The following RBM33 variants were observed in gnomAD, a reference collection of about 807,000 sequenced individuals.
RBM33 encodes RNA binding motif protein 33, also known as RNA-binding protein 33.
A neutral mutation model predicts 132.6 loss-of-function variants in RBM33; 28 were observed. That is an observed-to-expected ratio of 0.21 (90% CI 0.16 to 0.29). RBM33 has a LOEUF of 0.29. RBM33 is among the 10% of genes least tolerant of loss of function. The pLI is 1.00. For synonymous variants in RBM33, 634 were observed against 593.0 expected (o/e 1.07, Z -1.01); for missense variants, 1,291 against 1,518.5 (o/e 0.85, Z 2.49).
Position 155,763,237 on chromosome 7 carries a change from G to A in RBM33, c.2980-575G>A, listed in dbSNP as rs117424108. On this transcript the variant is annotated intron_variant, in intron 14 of 17. Transcript: ENST00000401878. ...GGGAAGTTTCTAGCCAGTATTTTGT[G>A]ATGCTCTTCGGCGCTTCAGAGCACT... 9.3e-3 allele frequency among the ~76,000 whole-genome samples: 1,416 copies of A among 152,354 alleles called. 35 individuals are homozygous for A. The highest frequency in any genetic ancestry group is 0.067 in the East Asian group (346 of 5,184).
Position 155,738,251 on chromosome 7 carries a change from C to A in RBM33, c.1585C>A (p.Arg529=), listed in dbSNP as rs202067064. 2 of 1,614,004 alleles carry A rather than the reference C, an allele frequency of 1.2e-6. No homozygotes were observed. The highest frequency in any genetic ancestry group is 1.7e-5 in the Admixed American group (1 of 60,014). Residue 529 remains arginine, a synonymous_variant, in exon 11 of 18, where the codon CGA becomes AGA. Transcript: ENST00000401878. ...AGTGTTCCCAAGAGAGCGGCCCGTA[C>A]GACCAGCCTTGCAGCCTCCAGGTCC... ...QPVFPRERPV[R]PALQPPGPVG...
Position 155,706,880 on chromosome 7 carries a change from G to T in RBM33, c.760G>T (p.Ala254Ser). ...CATAGAGCTTTCAGCAGAGGCCAAGGCAGCATTGCTTGAATTTGAAGAAAG... is the reference window on the plus strand; with the variant it reads ...CATAGAGCTTTCAGCAGAGGCCAAGTCAGCATTGCTTGAATTTGAAGAAAG... Reference protein sequence around the residue: ...ETLELSAEAKAALLEFEERER... With the variant: ...ETLELSAEAKSALLEFEERER... Residue 254 changes from alanine to serine, a missense_variant, in exon 7 of 18, where the codon GCA becomes TCA. Ala to Ser is a moderately conservative substitution (Grantham distance 99, BLOSUM62 1). Around this residue, in one of 7 missense-constraint regions of RBM33, gnomAD observed 34 missense variants for 46.5 expected, o/e 0.73. Coordinates refer to ENST00000401878, the MANE Select transcript of RBM33 (RefSeq NM_053043.3). 1 of 1,604,506 alleles carries T rather than the reference G, an allele frequency of 6.2e-7. No homozygotes were observed. The highest frequency in any genetic ancestry group is 8.5e-7 in the Non-Finnish European group (1 of 1,175,818).
Position 155,775,237 on chromosome 7 carries a change from T to G in RBM33, c.*196T>G. 1 of 692,504 alleles carries G rather than the reference T, an allele frequency of 1.4e-6. No homozygotes were observed. The highest frequency in any genetic ancestry group is 2.7e-6 in the Non-Finnish European group (1 of 375,426). The allele number at this position is 692,504 out of a possible 1,614,324, so 42.9% of individuals were successfully genotyped here. On this transcript the variant is annotated 3_prime_UTR_variant, in exon 18 of 18. Coordinates refer to ENST00000401878, the MANE Select transcript of RBM33 (RefSeq NM_053043.3). ...ACTGACAGGACACAGCAGGCTGGAGTTGGTGTTAGATTGCTTCACATTCTC... is the reference window on the plus strand; with the variant it reads ...ACTGACAGGACACAGCAGGCTGGAGGTGGTGTTAGATTGCTTCACATTCTC...
chr7:155,661,621 T>G (rs1798653276), intron 1 of RBM33, among the ~76,000 whole-genome samples: 1 of 151,950 alleles, frequency 6.6e-6, no homozygotes, highest in Non-Finnish European at 1.5e-5. Flanking sequence ...TTGGCCAGGC[T>G]GGTCTCGAAC....
chr7:155,739,150 A>C (rs537625748), intron 11 of RBM33: 2 of 152,272 alleles, frequency 1.3e-5, no homozygotes, highest in African/African-American at 4.8e-5. Flanking sequence ...AAATGCAATT[A>C]ATACATCCCC....
intron 13 of RBM33, 114 bp downstream of exon 13, chr7:155,742,220 C>A: frequency 1.1e-5 from 11 of 994,158 alleles, no homozygotes; most frequent in East Asian, 2.7e-5. Context: ...CCACTTTTTT[C>A]ACCTGGGTCT....
chr7:155,677,250 G>A (rs899749421), intron 3 of RBM33, among the ~76,000 whole-genome samples: 21 of 141,826 alleles, frequency 1.5e-4, no homozygotes, highest in African/African-American at 5.5e-4. Context: ...ATGGAGTTTC[G>A]TTCTTGTTTC....
chr7:155,748,390 A>G (rs1479417542), intron 14 of RBM33, among the ~76,000 whole-genome samples: 1 of 152,228 alleles, frequency 6.6e-6, no homozygotes, highest in African/African-American at 2.4e-5. Context: ...GCATAGTGCC[A>G]TTCAAGAACT....
intron 16 of RBM33, among the ~76,000 whole-genome samples, chr7:155,772,906 A>G (rs1263902299): frequency 6.6e-6 from 1 of 152,190 alleles, no homozygotes; most frequent in Non-Finnish European, 1.5e-5. Flanking sequence ...GTGTTTGAGT[A>G]TTCTTTTAGA....
intron 14 of RBM33, among the ~76,000 whole-genome samples, chr7:155,751,360 T>C (rs1006700459): frequency 6.6e-6 from 1 of 152,212 alleles, no homozygotes; most frequent in African/African-American, 2.4e-5. Flanking sequence ...TACAAAACCA[T>C]ATTTGTACAT....
intron 9 of RBM33, among the ~76,000 whole-genome samples, chr7:155,720,356 A>T (rs1268473611): frequency 6.6e-6 from 1 of 152,198 alleles, no homozygotes; most frequent in Non-Finnish European, 1.5e-5. Flanking sequence ...ATTTTCCCTT[A>T]GAGAAAATCA....
At chr7:155,714,472 G>A (rs1303433664) in intron 8 of RBM33, among the ~76,000 whole-genome samples, 3 of 152,182 alleles carry the variant, frequency 2.0e-5, no homozygotes, top group Non-Finnish European at 2.9e-5. Flanking sequence ...GGCAGGGCAC[G>A]GCAAGGGCCG....
chr7:155,695,315 A>G (rs1430538029), intron 5 of RBM33, among the ~76,000 whole-genome samples: 1 of 152,152 alleles, frequency 6.6e-6, no homozygotes, highest in Non-Finnish European at 1.5e-5. Flanking sequence ...TATCATCTCT[A>G]TGGAGAATAT....
intron 5 of RBM33, among the ~76,000 whole-genome samples, chr7:155,685,586 G>C (rs753526897): frequency 9.2e-5 from 14 of 152,190 alleles, no homozygotes; most frequent in Admixed American, 5.9e-4. Context: ...AGGAAACCCC[G>C]TGGGGAGAGA....
intron 5 of RBM33, among the ~76,000 whole-genome samples, chr7:155,693,789 A>G (rs1322485813): frequency 1.3e-5 from 2 of 151,958 alleles, no homozygotes; most frequent in African/African-American, 2.4e-5. Context: ...TTGGGAACTC[A>G]TGCGCATAAT....
At chr7:155,722,423 T>A (rs1216212528) in intron 9 of RBM33, among the ~76,000 whole-genome samples, 1 of 152,242 alleles carries the variant, frequency 6.6e-6, no homozygotes, top group African/African-American at 2.4e-5. Flanking sequence ...GGAAGGCTAG[T>A]TACCTTTCTG....
Position 155,656,668 on chromosome 7 carries a change from A to G in RBM33, c.44-8507A>G, listed in dbSNP as rs769261385. 1.2e-4 allele frequency among the ~76,000 whole-genome samples: 19 copies of G among 152,370 alleles called. No individual in the cohort carries two copies. The East Asian group carries it at 3.7e-3, about 29-fold the overall frequency. On this transcript the variant is annotated intron_variant, in intron 1 of 17. Transcript: ENST00000401878. Reference sequence around the variant, plus strand: ...ATAGAAGAATTCAGCTGTTTTCTACAAAGTCAGACATTAAAGAGTTTTGGA... The same window carrying G: ...ATAGAAGAATTCAGCTGTTTTCTACGAAGTCAGACATTAAAGAGTTTTGGA...
chr7:155,686,973 A>G (rs1454185342), intron 5 of RBM33, among the ~76,000 whole-genome samples: 1 of 152,228 alleles, frequency 6.6e-6, no homozygotes, highest in Non-Finnish European at 1.5e-5. Context: ...AGCATGATTT[A>G]TAATCCTTTG....
chr7:155,671,075 G>A (rs1387595167), intron 2 of RBM33, among the ~76,000 whole-genome samples: 2 of 152,114 alleles, frequency 1.3e-5, no homozygotes, highest in African/African-American at 2.4e-5. Flanking sequence ...TGGTATAGAC[G>A]AGTGCCTGTC....
Sources: gnomAD v4.1 joint callset for allele counts (sites outside exome capture counted in the v4.1 genomes callset) on GRCh38, gnomAD v4.1.1 for gene constraint, gnomAD v4.1.1 regional missense constraint, MANE v1.5 for transcripts, NCBI Gene and HGNC (gene_info 2026-07-23, HGNC 2026-07-21) for gene names.